ADAM32: variants seen among roughly 807,000 people sequenced by gnomAD.
ADAM32 encodes disintegrin and metalloproteinase domain-containing protein 32.
A neutral mutation model predicts 114.9 loss-of-function variants in ADAM32; 89 were observed. That is an observed-to-expected ratio of 0.77 (90% CI 0.65 to 0.92). The LOEUF is 0.92. ADAM32 is among the 40% of genes least tolerant of loss of function. The probability of loss-of-function intolerance (pLI) is 0.00; values close to 1 mark genes in which losing one functional copy is unlikely to be tolerated. For missense variants in ADAM32, 870 were observed against 932.8 expected (o/e 0.93, Z 0.88); for synonymous variants, 285 against 307.5 (o/e 0.93, Z 0.77).
At chr8:39,221,546 C>A in intron 12 of ADAM32, 64 bp from the exon 13 acceptor site, 2 of 1,262,682 alleles carry the variant, frequency 1.6e-6, no homozygotes, top group Non-Finnish European at 2.3e-6. Context: ...CAAAATATAA[C>A]TCCTAGTAAA....
At chr8:39,122,045 G>A (rs1158035569) in intron 2 of ADAM32, among the ~76,000 whole-genome samples, 1 of 152,168 alleles carries the variant, frequency 6.6e-6, no homozygotes, top group Non-Finnish European at 1.5e-5. Context: ...TATTTTGGAA[G>A]CACATAACTT....
At chr8:39,271,955 A>G (rs1368508289) in intron 20 of ADAM32, among the ~76,000 whole-genome samples, 1 of 151,864 alleles carries the variant, frequency 6.6e-6, no homozygotes, top group Non-Finnish European at 1.5e-5. Context: ...AGGTGTGAGG[A>G]GCACCTGAAA....
chr8:39,197,085 A>G (rs1807059942), intron 11 of ADAM32, among the ~76,000 whole-genome samples: 1 of 152,124 alleles, frequency 6.6e-6, no homozygotes, highest in Non-Finnish European at 1.5e-5. Flanking sequence ...GTATGTGTCC[A>G]GGAATTTATC....
At position 39,107,743 on chromosome 8, in the gene ADAM32, A is replaced by G. The variant is rs377102911; in HGVS notation, c.-33A>G. ...GTCCCTGGCAATTCCCGACTTCCCA[A>G]CGGCTTCCCGCTGGCAGCCCCGAAG... On this transcript the variant is annotated 5_prime_UTR_variant, in exon 1 of 25. Transcript: ENST00000379907. 6.5e-7 allele frequency: 1 copy of G among 1,550,054 alleles called. No individual in the cohort carries two copies. The highest frequency in any genetic ancestry group is 8.7e-7 in the Non-Finnish European group (1 of 1,146,576).
At position 39,211,592 on chromosome 8, in the gene ADAM32, G is replaced by A. The variant is rs903303786; in HGVS notation, c.1233+268G>A. Among the ~76,000 whole-genome samples the A allele has an allele frequency of 5.9e-5, 9 of 152,246 alleles. 1 individual carries two copies. The East Asian group carries it at 1.7e-3, about 29-fold the overall frequency. On this transcript the variant is annotated intron_variant, in intron 12 of 24. Coordinates refer to ENST00000379907, the MANE Select transcript of ADAM32 (RefSeq NM_145004.7). ...TTTTGAGTTTCAGACTAAATATATA[G>A]GGTTCTTTACAAATCTCTGCTTAAT... is the stretch of plus-strand genomic sequence containing the variant.
chr8:39,178,374 A>G (rs187014623), intron 10 of ADAM32, among the ~76,000 whole-genome samples: 1 of 152,302 alleles, frequency 6.6e-6, no homozygotes, highest in East Asian at 1.9e-4. Flanking sequence ...CAGGTCAGTT[A>G]TGATCCTTTA....
chr8:39,221,454 T>C (rs775876308), intron 12 of ADAM32, 156 bp from the exon 13 acceptor site: 105 of 598,820 alleles, frequency 1.8e-4, no homozygotes, highest in Non-Finnish European at 2.4e-4. Flanking sequence ...CCTACATTAG[T>C]GTTTTAAATA....
chr8:39,119,768 GT>G (rs753117037), intron 2 of ADAM32, among the ~76,000 whole-genome samples: 18 of 152,088 alleles, frequency 1.2e-4, no homozygotes, highest in Non-Finnish European at 2.4e-4. Context: ...TAAGAACTCT[GT>G]TATGGACTGA....
At chr8:39,239,866 T>A (rs1810440347) in intron 16 of ADAM32, among the ~76,000 whole-genome samples, 1 of 151,978 alleles carries the variant, frequency 6.6e-6, no homozygotes, top group Non-Finnish European at 1.5e-5. Context: ...ACTAGTCCAA[T>A]AGGAAAAAAA....
At chr8:39,130,216 A>G (rs1461234186) in intron 2 of ADAM32, 1 of 154,250 alleles carries the variant, frequency 6.5e-6, no homozygotes, top group African/African-American at 2.4e-5. Context: ...ACATTTTCTT[A>G]TAATACTTTA....
intron 3 of ADAM32, among the ~76,000 whole-genome samples, chr8:39,145,760 C>T (rs865873936): frequency 5.3e-5 from 8 of 152,082 alleles, no homozygotes; most frequent in Middle Eastern, 6.8e-3. Flanking sequence ...GAGACAGGGT[C>T]TCTCTCTGTC....
At chr8:39,257,648 G>C (rs1339468514) in intron 19 of ADAM32, among the ~76,000 whole-genome samples, 1 of 152,020 alleles carries the variant, frequency 6.6e-6, no homozygotes, top group Non-Finnish European at 1.5e-5. Context: ...ATCTACAACA[G>C]AAGTATTTAT....
In ADAM32 at chr8:39,221,648, T is replaced by G. The variant is rs1024937060; in HGVS notation, c.1272T>G (p.Cys424Trp). 6.2e-7 allele frequency: 1 copy of G among 1,612,374 alleles called. No homozygotes were observed. The highest frequency in any genetic ancestry group is 8.5e-7 in the Non-Finnish European group (1 of 1,178,964). Residue 424 changes from cysteine (C) to tryptophan (W), a missense_variant, in exon 13 of 25, where the codon TGT becomes TGG. Transcript: ENST00000379907. ...CAAGCTGTTGTGATTTTCGAACTTG[T>G]GTACTGAAAGACGGAGCAAAATGTT... ...GPASCCDFRT[C>W]VLKDGAKCYK...
chr8:39,145,330 CCAAGGCACTACTGAA>C (rs1217526093), intron 3 of ADAM32, among the ~76,000 whole-genome samples: 12 of 152,134 alleles, frequency 7.9e-5, no homozygotes, highest in African/African-American at 2.9e-4. Context: ...CCCTGAATAG[CCAAGGCACTACTGAA>C]CAAAAAGAAC....
At chr8:39,208,780 T>C (rs550090862) in intron 11 of ADAM32, among the ~76,000 whole-genome samples, 1 of 152,322 alleles carries the variant, frequency 6.6e-6, no homozygotes, top group South Asian at 2.1e-4. Flanking sequence ...CACTCCTTCA[T>C]ATGTTATTTG....
chr8:39,213,538 A>C (rs1352503005), intron 12 of ADAM32, among the ~76,000 whole-genome samples: 1 of 152,122 alleles, frequency 6.6e-6, no homozygotes, highest in African/African-American at 2.4e-5. Flanking sequence ...ATTTATACAT[A>C]CATCTATTGC....
chr8:39,222,190 A>T (rs1809017473), intron 13 of ADAM32, among the ~76,000 whole-genome samples: 1 of 151,968 alleles, frequency 6.6e-6, no homozygotes, highest in Non-Finnish European at 1.5e-5. Context: ...ATTTGACTTA[A>T]AGATTATGTT....
intron 11 of ADAM32, among the ~76,000 whole-genome samples, chr8:39,188,295 A>C (rs908537707): frequency 6.6e-6 from 1 of 152,148 alleles, no homozygotes; most frequent in East Asian, 1.9e-4. Context: ...ACACATAATC[A>C]CACATATCCA....
chr8:39,131,992 C>A, intron 2 of ADAM32: 1 of 326,134 alleles, frequency 3.1e-6, no homozygotes. Flanking sequence ...CTCCCGGGTT[C>A]AAACGATTTT....
Sources: gnomAD v4.1 joint callset for allele counts (sites outside exome capture counted in the v4.1 genomes callset) on GRCh38, gnomAD v4.1.1 for gene constraint, MANE v1.5 for transcripts, NCBI Gene and HGNC (gene_info 2026-07-23, HGNC 2026-07-21) for gene names.